Variants in SLC24A4 observed in about 807,000 individuals in gnomAD.
The protein encoded by SLC24A4 is solute carrier family 24 member 4, also known as sodium/potassium/calcium exchanger 4.
Under a neutral mutation model 79.0 loss-of-function variants are expected in SLC24A4, and 53 were observed. The observed-to-expected ratio is 0.67, with a 90% CI of 0.54 to 0.84. SLC24A4 has a LOEUF of 0.84. Ranked by LOEUF, SLC24A4 falls within the 40% of genes least tolerant of loss-of-function variation. The probability of loss-of-function intolerance (pLI) is 0.00; values close to 1 mark genes in which losing one functional copy is unlikely to be tolerated. For missense variants in SLC24A4, 731 were observed against 822.0 expected (o/e 0.89, Z 1.35); for synonymous variants, 323 against 323.8 (o/e 1.00, Z 0.03).
chr14:92,370,406 A>G (rs1007529013), intron 2 of SLC24A4, among the ~76,000 whole-genome samples: 1 of 152,180 alleles, frequency 6.6e-6, no homozygotes, highest in African/African-American at 2.4e-5. Flanking sequence ...TGTAAAAGGC[A>G]TTGCTATTAT....
intron 2 of SLC24A4, among the ~76,000 whole-genome samples, chr14:92,371,274 A>G (rs1390962697): frequency 6.6e-6 from 1 of 152,176 alleles, no homozygotes; most frequent in Non-Finnish European, 1.5e-5. Context: ...GCCTTAATAA[A>G]CACATCCCTT....
intron 13 of SLC24A4, chr14:92,484,558 A>G (rs1196604204): frequency 2.0e-6 from 2 of 985,314 alleles, no homozygotes; most frequent in Non-Finnish European, 1.2e-6. Context: ...GTTTTAGTGA[A>G]TGAAACAAGT....
At chr14:92,457,523 A>G (rs1304889411) in intron 12 of SLC24A4, 1 of 152,620 alleles carries the variant, frequency 6.6e-6, no homozygotes, top group African/African-American at 2.4e-5. Flanking sequence ...ACTTTTGTCT[A>G]CTGCATTTAT....
intron 2 of SLC24A4, among the ~76,000 whole-genome samples, chr14:92,388,031 G>A (rs760690045): frequency 1.2e-4 from 19 of 152,190 alleles, no homozygotes; most frequent in African/African-American, 3.9e-4. Flanking sequence ...TGCTCAGGTC[G>A]CTGCTTGTGG....
rs533472253 is a variant in SLC24A4 at position 92,477,411 on chromosome 14, A to G, written c.1256-5269A>G. Among the ~76,000 whole-genome samples, 9 of 152,248 alleles carry G rather than the reference A, an allele frequency of 5.9e-5. No homozygotes were observed. The South Asian group carries it at 1.2e-3, about 21-fold the overall frequency. On this transcript the variant is annotated intron_variant, in intron 12 of 16. Transcript: ENST00000532405. ...ATTATTTGCAAAATGATTTTTTTCC[A>G]TTCAATAGGTAGTATTTTCATGGTC...
chr14:92,447,519 T>C (rs1892869550), intron 9 of SLC24A4, 95 bp downstream of exon 9: 2 of 1,256,348 alleles, frequency 1.6e-6, no homozygotes, highest in South Asian at 2.5e-5. Context: ...ATCTGTCAGA[T>C]CTTTGTCCTT....
rs962656716 is a variant in SLC24A4, at chr14:92,500,055, G to A, written c.*6427G>A. On this transcript the variant is annotated 3_prime_UTR_variant, in exon 17 of 17. Coordinates refer to ENST00000532405, the MANE Select transcript of SLC24A4 (RefSeq NM_153646.4). The stretch of plus-strand genomic sequence containing the variant: ...AGGGTTTCACCGTGTTAGCCAGGAT[G>A]GTCTTGATCTCCTGATCTCGTGATC... 1.3e-5 allele frequency: 2 copies of A among 149,392 alleles called. No individual in the cohort carries two copies. The highest frequency in any genetic ancestry group is 6.7e-5 in the Admixed American group (1 of 14,930). 9.3% of individuals were successfully genotyped at this position (149,392 alleles called of 1,614,324 possible).
chr14:92,454,057 C>T lies in SLC24A4; in HGVS notation c.1038C>T (p.Ile346=). 1.9e-6 allele frequency: 3 copies of T among 1,612,964 alleles called. No individual in the cohort carries two copies. Among genetic ancestry groups the T allele is most frequent in the Non-Finnish European group, 2.5e-6 (3 of 1,179,442 alleles). Reference sequence around the variant, plus strand: ...CCCGACTACGGATGGCCAGCAGGATCATCATTAATGAGGTGAGTTTGCTTG... The same window carrying T: ...CCCGACTACGGATGGCCAGCAGGATTATCATTAATGAGGTGAGTTTGCTTG... ...PRTRLRMASR[I]IINERQRLIN... Residue 346 remains isoleucine, a synonymous_variant, in exon 11 of 17, where the codon ATC becomes ATT. Coordinates refer to ENST00000532405, the MANE Select transcript of SLC24A4 (RefSeq NM_153646.4).
At chr14:92,364,488 A>G (rs1336766537) in intron 2 of SLC24A4, among the ~76,000 whole-genome samples, 1 of 152,194 alleles carries the variant, frequency 6.6e-6, no homozygotes, top group Admixed American at 6.5e-5. Context: ...CAGATGAAAC[A>G]GGTGTATTCA....
chr14:92,337,360 G>A (rs1885873909), intron 2 of SLC24A4, among the ~76,000 whole-genome samples: 1 of 152,198 alleles, frequency 6.6e-6, no homozygotes, highest in South Asian at 2.1e-4. Context: ...CTCTAGAGGT[G>A]AGACCAGAGT....
chr14:92,482,380 A>G (rs1348082877), intron 12 of SLC24A4, among the ~76,000 whole-genome samples: 1 of 152,138 alleles, frequency 6.6e-6, no homozygotes, highest in Non-Finnish European at 1.5e-5. Flanking sequence ...CATAACTCAC[A>G]TCCCCATTCC....
At chr14:92,468,505 C>T (rs1206513807) in intron 12 of SLC24A4, among the ~76,000 whole-genome samples, 2 of 152,184 alleles carry the variant, frequency 1.3e-5, no homozygotes, top group Non-Finnish European at 2.9e-5. Context: ...GCCTGCAAAA[C>T]TTACTACAAA....
intron 10 of SLC24A4, among the ~76,000 whole-genome samples, chr14:92,449,899 C>A (rs1893039248): frequency 6.6e-6 from 1 of 152,236 alleles, no homozygotes; most frequent in South Asian, 2.1e-4. Flanking sequence ...TTACTGAATT[C>A]TCTGAATCAT....
At position 92,442,163 on chromosome 14, in the gene SLC24A4, G is replaced by T. The variant is rs377062821; in HGVS notation, c.468G>T (p.Ala156=). 2.5e-6 allele frequency: 4 copies of T among 1,613,348 alleles called. No individual in the cohort carries two copies. The African/African-American group carries it at 5.3e-5, about 22-fold the overall frequency. ...GAAGCTCAACGCCAGAGCTGTTTGC[G>T]TCTGTTATTGGTAAGAAATCCCCTC... The part of the protein sequence containing the change: ...AAGSSTPELF[A]SVIGVFITHG... The change falls in exon 5 of 17, where the codon GCG becomes GCT. Residue 156 remains alanine, a synonymous_variant. Coordinates refer to ENST00000532405, the MANE Select transcript of SLC24A4 (RefSeq NM_153646.4).
chr14:92,398,204 T>C lies in SLC24A4; in HGVS notation c.242-35708T>C, dbSNP rs1215763622. Among the ~76,000 whole-genome samples, 1 of 152,176 alleles carries C rather than the reference T, an allele frequency of 6.6e-6. No individual in the cohort carries two copies. Among genetic ancestry groups the C allele is most frequent in the African/African-American group, 2.4e-5 (1 of 41,440 alleles). On this transcript the variant is annotated intron_variant, in intron 2 of 16. Transcript: ENST00000532405. The surrounding 1 kb of genome is among the most constrained non-coding windows in gnomAD (Gnocchi z 4.1). ...CTAAGTTGGTTGAAACATGCCCTCA[T>C]GGTTGGTAAATTGGTAGTCAGAAGC... is the stretch of plus-strand genomic sequence containing the variant.
chr14:92,450,052 C>A (rs1225847937), intron 10 of SLC24A4, among the ~76,000 whole-genome samples: 2 of 152,218 alleles, frequency 1.3e-5, no homozygotes, highest in Non-Finnish European at 2.9e-5. Flanking sequence ...CTGGTTCTTG[C>A]AATTGGTATG....
At chr14:92,461,307 A>G (rs1893795207) in intron 12 of SLC24A4, among the ~76,000 whole-genome samples, 1 of 152,250 alleles carries the variant, frequency 6.6e-6, no homozygotes, top group Non-Finnish European at 1.5e-5. Flanking sequence ...GGGACTTGCC[A>G]TATGTCAGGC....
intron 2 of SLC24A4, among the ~76,000 whole-genome samples, chr14:92,404,389 C>T (rs1227123698): frequency 6.6e-6 from 1 of 152,202 alleles, no homozygotes; most frequent in Non-Finnish European, 1.5e-5. Context: ...TTTCAAACTC[C>T]TCTTTGTGAC....
At chr14:92,425,994 C>T (rs1891542718) in intron 2 of SLC24A4, among the ~76,000 whole-genome samples, 1 of 151,950 alleles carries the variant, frequency 6.6e-6, no homozygotes, top group South Asian at 2.1e-4. Flanking sequence ...ATCAATCAAT[C>T]AATCAGTCAA....
Sources: gnomAD v4.1 joint callset for allele counts (sites outside exome capture counted in the v4.1 genomes callset) on GRCh38, gnomAD v4.1.1 for gene constraint, Gnocchi (gnomAD v3.1) non-coding constraint, MANE v1.5 for transcripts, NCBI Gene and HGNC (gene_info 2026-07-23, HGNC 2026-07-21) for gene names.